The following GDF1 variants were observed in gnomAD, a reference collection of about 807,000 sequenced individuals.
GDF1 encodes the protein growth differentiation factor 1.
In GDF1, 8 loss-of-function variants were observed where a neutral mutation model predicts 7.4. The ratio of observed to expected loss-of-function variants is 1.09; its 90% CI spans 0.64 to 1.96. GDF1 has a LOEUF of 1.96. Among genes scored for constraint, GDF1 ranks in the 30% most tolerant of loss-of-function variants. GDF1 has a pLI of 0.00. For synonymous variants in GDF1, 311 were observed against 276.7 expected, an observed-to-expected ratio of 1.12 and a Z score of -1.23; for missense variants, 574 against 551.5, an observed-to-expected ratio of 1.04 and a Z score of -0.41.
In GDF1 at chr19:18,895,490, A is replaced by C. The variant is rs975355985; in HGVS notation, c.-1074+334T>G. Among the ~76,000 whole-genome samples the C allele has an allele frequency of 3.3e-5, 5 of 150,994 alleles. No homozygotes were observed. Among genetic ancestry groups the C allele is most frequent in the African/African-American group, 4.9e-5 (2 of 40,866 alleles). The stretch of plus-strand genomic sequence containing the variant: ...GGCCCCCTGGTCCCAAACTGACCGG[A>C]AAGGGCCGTGCCTCGGTCCCCCACG... On this transcript the variant is annotated intron_variant, in intron 1 of 7. Coordinates refer to ENST00000247005, the MANE Select transcript of GDF1 (RefSeq NM_001492.6). This position sits in a 1 kb window ranked among gnomAD's most constrained non-coding sequence, Gnocchi z 6.4.
chr19:18,884,120 G>A lies in GDF1; in HGVS notation c.-766C>T, dbSNP rs1601172583. 6.2e-7 allele frequency: 1 copy of A among 1,613,688 alleles called. No homozygotes were observed. ...GTAGGAGGAGACGATGAGGATGAGA[G>A]TGACCACGTGGTGGAGCAGCATGAC... On this transcript the variant is annotated 5_prime_UTR_variant, in exon 3 of 8. Coordinates refer to ENST00000247005, the MANE Select transcript of GDF1 (RefSeq NM_001492.6).
chr19:18,877,033 G>C (rs772078664), intron 6 of GDF1, among the ~76,000 whole-genome samples: 37 of 152,132 alleles, frequency 2.4e-4, no homozygotes, highest in Non-Finnish European at 4.1e-4. Context: ...TTTGGAAGAC[G>C]TCTCTCAGCC....
At position 18,895,507 on chromosome 19, in the gene GDF1, T is replaced by C. The variant is rs914258255; in HGVS notation, c.-1074+317A>G. ...CTGACCGGAAAGGGCCGTGCCTCGGTCCCCCACGTCTCAAACATCCCACCT... is the reference window on the plus strand; with the variant it reads ...CTGACCGGAAAGGGCCGTGCCTCGGCCCCCCACGTCTCAAACATCCCACCT... On this transcript the variant is annotated intron_variant, in intron 1 of 7. Transcript: ENST00000247005. This position sits in a 1 kb window ranked among gnomAD's most constrained non-coding sequence, Gnocchi z 6.4. Among the ~76,000 whole-genome samples, 5 of 149,494 alleles carry C rather than the reference T, an allele frequency of 3.3e-5. No homozygotes were observed. The highest frequency in any genetic ancestry group is 1.0e-4 in the African/African-American group (4 of 40,072).
rs751371180 is a variant in GDF1 at position 18,893,470 on chromosome 19, G to C, written c.-968C>G. 6.2e-7 allele frequency: 1 copy of C among 1,607,262 alleles called. No individual in the cohort carries two copies. The highest frequency in any genetic ancestry group is 8.5e-7 in the Non-Finnish European group (1 of 1,177,106). On this transcript the variant is annotated 5_prime_UTR_variant, in exon 2 of 8. Coordinates refer to ENST00000247005, the MANE Select transcript of GDF1 (RefSeq NM_001492.6). ...AAGGGGTAGTCGGTGCCAAACAGCA[G>C]GTAGGCACTGTAGCTCCAGCTGCCC... is the stretch of plus-strand genomic sequence containing the variant.
At chr19:18,869,442 A>C in intron 7 of GDF1, 52 bp from the exon 8 acceptor site, 1 of 1,504,624 alleles carries the variant, frequency 6.6e-7, no homozygotes, top group African/African-American at 1.4e-5. Context: ...CGGCCTGCCC[A>C]TGGGGTCTCG....
intron 7 of GDF1, 84 bp downstream of exon 7, chr19:18,869,899 T>G (rs1352705315): frequency 1.5e-6 from 2 of 1,370,638 alleles, no homozygotes; most frequent in South Asian, 1.2e-5. Flanking sequence ...TCGGAGCTGC[T>G]CGGGCATCCC....
chr19:18,889,719 C>T (rs1035223964), intron 2 of GDF1, among the ~76,000 whole-genome samples: 13 of 152,202 alleles, frequency 8.5e-5, no homozygotes, highest in South Asian at 2.1e-4. Context: ...AGTGAGTCAC[C>T]GCACCTGGCC....
intron 2 of GDF1, among the ~76,000 whole-genome samples, chr19:18,890,000 C>G (rs1471634759): frequency 6.6e-6 from 1 of 152,210 alleles, no homozygotes. Context: ...CCTTCAGGCT[C>G]CAGCTCCTGC....
chr19:18,887,509 T>C (rs8104177), intron 2 of GDF1, among the ~76,000 whole-genome samples: 3,208 of 152,056 alleles, frequency 0.021, 107 homozygotes, highest in African/African-American at 0.072. Flanking sequence ...GGCCAGGAGG[T>C]GGAGGCAGGT....
intron 2 of GDF1, among the ~76,000 whole-genome samples, chr19:18,893,074 C>G (rs559413646): frequency 2.6e-5 from 4 of 151,988 alleles, no homozygotes; most frequent in African/African-American, 7.2e-5. Context: ...CCACCACACC[C>G]GGCTAATTTT....
Position 18,870,109 on chromosome 19 carries a change from G to T in GDF1, c.199C>A (p.Arg67=). 1 of 1,568,686 alleles carries T rather than the reference G, an allele frequency of 6.4e-7. No homozygotes were observed. Among genetic ancestry groups the T allele is most frequent in the Non-Finnish European group, 8.6e-7 (1 of 1,162,126 alleles). ...CTGGTCTCCTGGGGGTCCCGGCGTC[G>T]AAACAGGCGCCACATGACCGGGGGA... is the stretch of plus-strand genomic sequence containing the variant. The part of the protein sequence containing the change: ...PVPPVMWRLF[R]RRDPQETRSG... Residue 67 remains arginine, a synonymous_variant, in exon 7 of 8, where the codon CGA becomes AGA. Transcript: ENST00000247005. The surrounding 1 kb of genome is among the most constrained non-coding windows in gnomAD (Gnocchi z 5.1).
chr19:18,891,740 G>A (rs1486262582), intron 2 of GDF1, among the ~76,000 whole-genome samples: 1 of 151,472 alleles, frequency 6.6e-6, no homozygotes, highest in Non-Finnish European at 1.5e-5. Context: ...ACCATACCAG[G>A]CTAATTTTTT....
At chr19:18,875,141 C>T (rs893934790) in intron 6 of GDF1, among the ~76,000 whole-genome samples, 7 of 151,278 alleles carry the variant, frequency 4.6e-5, no homozygotes, top group Non-Finnish European at 8.8e-5. Flanking sequence ...GAGGCTGAGG[C>T]GGCAGGATCA....
At chr19:18,881,708 T>G (rs2056214514) in intron 3 of GDF1, 1 of 152,316 alleles carries the variant, frequency 6.6e-6, no homozygotes, top group Non-Finnish European at 1.5e-5. Flanking sequence ...GCACGTGCTG[T>G]CCCCATGACC....
chr19:18,877,445 G>C (rs1477086006), intron 6 of GDF1, among the ~76,000 whole-genome samples: 1 of 152,184 alleles, frequency 6.6e-6, no homozygotes, highest in Non-Finnish European at 1.5e-5. Context: ...AGACCTAGCT[G>C]ATCTCTGGAG....
At chr19:18,872,121 G>C (rs1201914296) in intron 6 of GDF1, among the ~76,000 whole-genome samples, 5 of 152,248 alleles carry the variant, frequency 3.3e-5, no homozygotes, top group Non-Finnish European at 7.3e-5. Context: ...AGTTCCCACA[G>C]AGAGTATAGA....
At chr19:18,876,761 A>G (rs1315793431) in intron 6 of GDF1, among the ~76,000 whole-genome samples, 1 of 152,204 alleles carries the variant, frequency 6.6e-6, no homozygotes, top group African/African-American at 2.4e-5. Context: ...TGTCACCTCC[A>G]TCCAGCTCCC....
chr19:18,879,047 AG>A lies in GDF1; in HGVS notation c.-422-9del. On this transcript the variant is annotated splice_polypyrimidine_tract_variant and intron_variant, in intron 5 of 7. Transcript: ENST00000247005. ...TGCAAACGCCACGATGTACTGCGAGAGGGGAGGGGAGGTGCCAGTGAGAAGA... is the reference window on the plus strand; with the variant it reads ...TGCAAACGCCACGATGTACTGCGAGAGGGAGGGGAGGTGCCAGTGAGAAGA... 1 of 1,612,634 alleles carries A rather than the reference AG, an allele frequency of 6.2e-7. No homozygotes were observed. Among genetic ancestry groups the A allele is most frequent in the Non-Finnish European group, 8.5e-7 (1 of 1,179,632 alleles).
At chr19:18,879,195 A>T (rs1422742174) in intron 5 of GDF1, 46 bp downstream of exon 5, 1 of 1,610,674 alleles carries the variant, frequency 6.2e-7, no homozygotes, top group South Asian at 1.1e-5. Flanking sequence ...AGGGATTGGG[A>T]CGAGGACGGG....
Sources: gnomAD v4.1 joint callset for allele counts (sites outside exome capture counted in the v4.1 genomes callset) on GRCh38, gnomAD v4.1.1 for gene constraint, Gnocchi (gnomAD v3.1) non-coding constraint, MANE v1.5 for transcripts, NCBI Gene and HGNC (gene_info 2026-07-23, HGNC 2026-07-21) for gene names.